Variants in UNC13C observed in about 807,000 individuals in gnomAD.
The protein encoded by UNC13C is unc-13 homolog C, also known as protein unc-13 homolog C.
In UNC13C, 174 loss-of-function variants were observed where a neutral mutation model predicts 245.4. The ratio of observed to expected loss-of-function variants is 0.71; its 90% CI spans 0.63 to 0.80. UNC13C has a LOEUF of 0.80. Among genes scored for constraint, UNC13C ranks in the 30% least tolerant of loss-of-function variants. UNC13C has a pLI of 0.00. For synonymous variants in UNC13C, 992 were observed against 895.1 expected (o/e 1.11, Z -1.93); for missense variants, 2,829 against 2,602.9 (o/e 1.09, Z -1.89).
chr15:54,071,334 T>C (rs1898316713), intron 2 of UNC13C, among the ~76,000 whole-genome samples: 1 of 152,206 alleles, frequency 6.6e-6, no homozygotes, highest in Admixed American at 6.5e-5. Context: ...AAATATTTAA[T>C]ACTATATGTA....
chr15:54,445,416 C>T (rs1194033297), intron 19 of UNC13C, among the ~76,000 whole-genome samples: 1 of 152,218 alleles, frequency 6.6e-6, no homozygotes, highest in East Asian at 1.9e-4. Context: ...ACAGTCCCAC[C>T]AATGGTGTAA....
intron 4 of UNC13C, among the ~76,000 whole-genome samples, chr15:54,187,987 T>C (rs779977299): frequency 6.6e-6 from 1 of 152,034 alleles, no homozygotes; most frequent in Non-Finnish European, 1.5e-5. Flanking sequence ...ACGGATAATT[T>C]TTATATTTTT....
At chr15:54,332,926 T>A (rs1208329293) in intron 15 of UNC13C, among the ~76,000 whole-genome samples, 7 of 151,954 alleles carry the variant, frequency 4.6e-5, no homozygotes, top group African/African-American at 1.7e-4. Flanking sequence ...TTGGTATTAT[T>A]TCATGTTGGT....
chr15:54,100,741 C>T (rs28398329), intron 2 of UNC13C, among the ~76,000 whole-genome samples: 4,689 of 151,940 alleles, frequency 0.031, 209 homozygotes, highest in African/African-American at 0.1. Context: ...ATCCAATTAA[C>T]ATTATTTCAA....
At chr15:53,925,620 T>C in the UNC13C span, among the ~76,000 whole-genome samples, 6 of 152,206 alleles carry the variant, frequency 3.9e-5, no homozygotes, top group Admixed American at 3.3e-4. Flanking sequence ...CTATCTCTTT[T>C]GTTTACATTT....
At chr15:54,024,437 GC>G (rs968860508) in intron 2 of UNC13C, among the ~76,000 whole-genome samples, 1 of 152,170 alleles carries the variant, frequency 6.6e-6, no homozygotes, top group African/African-American at 2.4e-5. Context: ...CAAGGACTGA[GC>G]CCAATTTGCA....
the UNC13C span, chr15:53,968,062 T>C: frequency 2.6e-5 from 4 of 152,296 alleles, no homozygotes; most frequent in African/African-American, 9.6e-5. Context: ...AGAAGTGTTA[T>C]TGTTCTGATG....
At position 54,224,027 on chromosome 15, in the gene UNC13C, A is replaced by G. The variant is rs187893617; in HGVS notation, c.3072-11003A>G. Among the ~76,000 whole-genome samples the G allele has an allele frequency of 1.9e-3, 291 of 152,198 alleles. 1 individual carries two copies. The highest frequency in any genetic ancestry group is 6.6e-3 in the African/African-American group (275 of 41,564). On this transcript the variant is annotated intron_variant, in intron 4 of 32. Coordinates refer to ENST00000260323, the MANE Select transcript of UNC13C (RefSeq NM_001080534.3). ...ACTAAATTTGTTGATCAATTCTAAC[A>G]GTTTTTTGGTGGAGGCTTTCGGTTT... is the stretch of plus-strand genomic sequence containing the variant.
chr15:54,459,038 T>C (rs1033191526), intron 19 of UNC13C, among the ~76,000 whole-genome samples: 1 of 152,152 alleles, frequency 6.6e-6, no homozygotes, highest in African/African-American at 2.4e-5. Flanking sequence ...TATTTTGAAG[T>C]TTTGTTTCAA....
Position 54,394,146 on chromosome 15 carries a change from C to A in UNC13C, c.4847+965C>A, listed in dbSNP as rs568056247. ...GTTAGGGTCATTGTTTATGTTCAGT[C>A]CAATTAAAATTCCAGTTAAAGAAGA... On this transcript the variant is annotated intron_variant, in intron 18 of 32. Transcript: ENST00000260323. 5.3e-5 allele frequency among the ~76,000 whole-genome samples: 8 copies of A among 151,968 alleles called. No individual in the cohort carries two copies. In the South Asian group the frequency reaches 1.7e-3, roughly 31 times the overall value.
chr15:54,264,420 T>G (rs1401370353), intron 9 of UNC13C, 25 bp downstream of exon 9: 1 of 1,526,868 alleles, frequency 6.5e-7, no homozygotes, highest in African/African-American at 1.4e-5. Flanking sequence ...TCTTAAAAAT[T>G]TGTATTGTAA....
chr15:54,190,491 T>C (rs920626959), intron 4 of UNC13C, among the ~76,000 whole-genome samples: 1 of 152,112 alleles, frequency 6.6e-6, no homozygotes, highest in African/African-American at 2.4e-5. Context: ...TCTTTATGTA[T>C]GTAAATAAAC....
At chr15:54,421,743 T>A (rs2140960873) in intron 19 of UNC13C, among the ~76,000 whole-genome samples, 1 of 152,208 alleles carries the variant, frequency 6.6e-6, no homozygotes, top group Non-Finnish European at 1.5e-5. Flanking sequence ...GTAGAAACTA[T>A]CTTCTGTTAA....
chr15:53,995,026 G>C (rs1375824278), intron 1 of UNC13C, among the ~76,000 whole-genome samples: 1 of 152,092 alleles, frequency 6.6e-6, no homozygotes, highest in South Asian at 2.1e-4. Flanking sequence ...TGGATGTCCA[G>C]TGTGTATAAT....
Position 54,015,514 on chromosome 15 carries a change from G to A in UNC13C, c.2611G>A (p.Val871Met), listed in dbSNP as rs1895610237. The change falls in exon 2 of 33, where the codon GTG becomes ATG. Residue 871 changes from valine (V) to methionine (M), a missense_variant. Physicochemically the swap from Val to Met is conservative, Grantham distance 21. Transcript: ENST00000260323. ...GGATGAGGAAGATTATACTGAACCAGTGGCTGACAATGAAACAGATTATGT... is the reference window on the plus strand; with the variant it reads ...GGATGAGGAAGATTATACTGAACCAATGGCTGACAATGAAACAGATTATGT... ...AEDEEDYTEP[V>M]ADNETDYVEV... 1.2e-6 allele frequency: 2 copies of A among 1,612,824 alleles called. No individual in the cohort carries two copies. The highest frequency in any genetic ancestry group is 2.7e-5 in the African/African-American group (2 of 74,920).
intron 2 of UNC13C, among the ~76,000 whole-genome samples, chr15:54,043,429 A>G (rs1175359865): frequency 1.3e-5 from 2 of 152,206 alleles, no homozygotes; most frequent in Non-Finnish European, 2.9e-5. Context: ...GTTCTCTTTT[A>G]GCAGCCGTTT....
chr15:54,602,046 CT>C (rs974272456), intron 30 of UNC13C, among the ~76,000 whole-genome samples: 4 of 150,366 alleles, frequency 2.7e-5, no homozygotes, highest in African/African-American at 9.7e-5. Context: ...TCGCTAGCTC[CT>C]CCCTTGGCCA....
chr15:54,298,579 A>G (rs956170505), intron 12 of UNC13C, among the ~76,000 whole-genome samples: 1 of 152,130 alleles, frequency 6.6e-6, no homozygotes, highest in Non-Finnish European at 1.5e-5. Flanking sequence ...CTCACCCAAA[A>G]AGTAGGGCCT....
chr15:54,444,181 T>A (rs1247167274), intron 19 of UNC13C, among the ~76,000 whole-genome samples: 1 of 151,836 alleles, frequency 6.6e-6, no homozygotes, highest in Non-Finnish European at 1.5e-5. Context: ...TTTATTTTAC[T>A]TAAAGTATGT....
Sources: allele counts gnomAD v4.1 joint callset (sites outside exome capture counted in the v4.1 genomes callset), GRCh38; gene constraint gnomAD v4.1.1; transcripts MANE v1.5; gene names NCBI Gene and HGNC (gene_info 2026-07-23, HGNC 2026-07-21).